The following CDH18 variants were observed in gnomAD, a reference collection of about 807,000 sequenced individuals.
The protein encoded by CDH18 is cadherin-18.
Under a neutral mutation model 67.9 loss-of-function variants are expected in CDH18, and 31 were observed. That is an observed-to-expected ratio of 0.46 (90% CI 0.34 to 0.62). The LOEUF is 0.62. CDH18 is among the 20% of genes least tolerant of loss of function. The pLI, the probability that CDH18 is intolerant of heterozygous loss-of-function variation, is 0.01. For missense variants in CDH18, 890 were observed against 975.5 expected (o/e 0.91, Z 1.17); for synonymous variants, 362 against 347.2 (o/e 1.04, Z -0.48).
chr5:19,605,671 C>T (rs1037487374), intron 6 of CDH18, among the ~76,000 whole-genome samples: 11 of 151,922 alleles, frequency 7.2e-5, no homozygotes, highest in Admixed American at 6.6e-4. Flanking sequence ...GCATTGAAGG[C>T]AATTAATGTA....
intron 2 of CDH18, among the ~76,000 whole-genome samples, chr5:20,167,433 G>T (rs1200203571): frequency 6.6e-6 from 1 of 151,844 alleles, no homozygotes; most frequent in East Asian, 1.9e-4. Flanking sequence ...AGAATTTAGA[G>T]AGCTCTCAGT....
intron 9 of CDH18, among the ~76,000 whole-genome samples, chr5:19,529,025 G>A (rs1449836392): frequency 6.6e-6 from 1 of 151,492 alleles, no homozygotes; most frequent in African/African-American, 2.4e-5. Context: ...GATTAAAACT[G>A]GCCTGCCATC....
chr5:20,505,097 T>TG (rs1754580417), intron 1 of CDH18, among the ~76,000 whole-genome samples: 1 of 150,960 alleles, frequency 6.6e-6, no homozygotes, highest in African/African-American at 2.4e-5. Flanking sequence ...AAGTTACTAG[T>TG]AAAAAAAAAT....
At chr5:19,527,291 TA>T (rs1180436462) in intron 9 of CDH18, among the ~76,000 whole-genome samples, 11 of 151,520 alleles carry the variant, frequency 7.3e-5, no homozygotes, top group East Asian at 1.9e-4. Flanking sequence ...AAGTTTTAGT[TA>T]AAAAAAAGTG....
chr5:20,066,436 A>G (rs1277551275), intron 2 of CDH18, among the ~76,000 whole-genome samples: 1 of 152,096 alleles, frequency 6.6e-6, no homozygotes, highest in Non-Finnish European at 1.5e-5. Flanking sequence ...TATCACTCAT[A>G]GCTTAGCATG....
chr5:20,191,523 C>A (rs1330951682), intron 2 of CDH18, among the ~76,000 whole-genome samples: 2 of 151,996 alleles, frequency 1.3e-5, no homozygotes, highest in Non-Finnish European at 2.9e-5. Context: ...CACCCCCATC[C>A]CCCAACAGGC....
At chr5:20,532,581 C>T (rs1380511911) in intron 1 of CDH18, among the ~76,000 whole-genome samples, 2 of 152,052 alleles carry the variant, frequency 1.3e-5, no homozygotes, top group Non-Finnish European at 2.9e-5. Context: ...CTGATGCAGT[C>T]AGAGGTCCAA....
Position 19,982,294 on chromosome 5 carries a change from C to A in CDH18, c.-375-1116G>T, listed in dbSNP as rs906630566. Reference sequence around the variant, plus strand: ...CAAAATAGATTTTCATGGACACTATCATGGCTCATTCAAATTATATCACAT... The same window carrying A: ...CAAAATAGATTTTCATGGACACTATAATGGCTCATTCAAATTATATCACAT... On this transcript the variant is annotated intron_variant, in intron 1 of 12. Coordinates refer to ENST00000382275, the MANE Select transcript of CDH18 (RefSeq NM_004934.5). Among the ~76,000 whole-genome samples, 4 of 152,188 alleles carry A rather than the reference C, an allele frequency of 2.6e-5. No homozygotes were observed. In the South Asian group the frequency reaches 8.3e-4, roughly 32 times the overall value.
intron 1 of CDH18, among the ~76,000 whole-genome samples, chr5:20,560,309 A>C (rs879903213): frequency 8.5e-5 from 13 of 152,076 alleles, no homozygotes; most frequent in Non-Finnish European, 1.9e-4. Flanking sequence ...CTAGATTGTT[A>C]GTCACAATCA....
chr5:19,690,685 T>C (rs981175494), intron 5 of CDH18, among the ~76,000 whole-genome samples: 2 of 149,252 alleles, frequency 1.3e-5, no homozygotes, highest in Admixed American at 6.6e-5. Flanking sequence ...CTAGAGAAAA[T>C]AGATAAATTT....
intron 5 of CDH18, among the ~76,000 whole-genome samples, chr5:19,663,973 TAAG>T (rs1270236815): frequency 3.3e-5 from 5 of 151,822 alleles, no homozygotes; most frequent in Non-Finnish European, 7.4e-5. Context: ...AAATATTTTA[TAAG>T]AAGATGACGG....
At chr5:19,544,764 T>A (rs891665425) in intron 8 of CDH18, among the ~76,000 whole-genome samples, 1 of 152,158 alleles carries the variant, frequency 6.6e-6, no homozygotes, top group African/African-American at 2.4e-5. Context: ...AAAAGCATGA[T>A]TGGGCTAATT....
intron 1 of CDH18, among the ~76,000 whole-genome samples, chr5:20,565,776 C>T (rs1758471742): frequency 6.6e-6 from 1 of 150,734 alleles, no homozygotes. Context: ...AAAAAAGTTC[C>T]AGCATTTTAA....
chr5:20,047,404 T>G (rs547633599), intron 2 of CDH18, among the ~76,000 whole-genome samples: 1 of 152,026 alleles, frequency 6.6e-6, no homozygotes, highest in East Asian at 1.9e-4. Context: ...TGCACTATTT[T>G]CATTATTAAA....
intron 1 of CDH18, among the ~76,000 whole-genome samples, chr5:20,301,789 CTTTTTTTTT>C (rs59276117): frequency 3.1e-5 from 4 of 128,154 alleles, no homozygotes; most frequent in Non-Finnish European, 6.5e-5. Flanking sequence ...TTTCTTTTTT[CTTTTTTTTT>C]TTTTTTTTTG....
intron 1 of CDH18, among the ~76,000 whole-genome samples, chr5:20,562,767 A>G (rs1430480987): frequency 6.6e-6 from 1 of 151,932 alleles, no homozygotes; most frequent in Non-Finnish European, 1.5e-5. Context: ...TGTAAAATTA[A>G]AACAATATGA....
intron 2 of CDH18, among the ~76,000 whole-genome samples, chr5:20,056,184 T>C (rs971712322): frequency 6.6e-5 from 10 of 151,056 alleles, no homozygotes; most frequent in Middle Eastern, 3.2e-3. Flanking sequence ...TTTGTATTTT[T>C]AGTAGAGACG....
intron 2 of CDH18, among the ~76,000 whole-genome samples, chr5:20,251,033 C>T (rs1271949159): frequency 6.6e-6 from 1 of 152,052 alleles, no homozygotes; most frequent in Non-Finnish European, 1.5e-5. Context: ...AAAAACTGAG[C>T]GGTAACTGAG....
At chr5:20,233,452 T>C (rs1455243433) in intron 2 of CDH18, among the ~76,000 whole-genome samples, 1 of 151,978 alleles carries the variant, frequency 6.6e-6, no homozygotes, top group African/African-American at 2.4e-5. Context: ...ATAGTCTATA[T>C]TGACAGATAC....
Sources: allele counts gnomAD v4.1 joint callset (sites outside exome capture counted in the v4.1 genomes callset), GRCh38; gene constraint gnomAD v4.1.1; transcripts MANE v1.5; gene names NCBI Gene and HGNC (gene_info 2026-07-23, HGNC 2026-07-21).